Variants in CACNB2 observed in about 807,000 individuals in gnomAD.
CACNB2 encodes the protein calcium voltage-gated channel auxiliary subunit beta 2.
CACNB2 carries 42 observed loss-of-function variants against 73.3 expected under a neutral mutation model. The ratio of observed to expected loss-of-function variants is 0.57; its 90% CI spans 0.45 to 0.74. The LOEUF is 0.74. CACNB2 is among the 30% of genes least tolerant of loss of function. The probability of loss-of-function intolerance (pLI) is 0.00; values close to 1 mark genes in which losing one functional copy is unlikely to be tolerated. For missense variants in CACNB2, 940 were observed against 853.0 expected, an observed-to-expected ratio of 1.10 and a Z score of -1.27; for synonymous variants, 348 against 310.3, an observed-to-expected ratio of 1.12 and a Z score of -1.28.
intron 3 of CACNB2, among the ~76,000 whole-genome samples, chr10:18,497,873 G>A (rs867296604): frequency 1.2e-4 from 19 of 152,324 alleles, no homozygotes; most frequent in Middle Eastern, 6.8e-3. Context: ...AGTTGCTATA[G>A]TTGTAGCATA....
In CACNB2 at chr10:18,373,394, C is replaced by T. The variant is rs190194026; in HGVS notation, c.214-28530C>T. Among the ~76,000 whole-genome samples, 31 of 152,278 alleles carry T rather than the reference C, an allele frequency of 2.0e-4. No homozygotes were observed. The East Asian group carries it at 5.0e-3, about 25-fold the overall frequency. On this transcript the variant is annotated intron_variant, in intron 2 of 13. Coordinates refer to ENST00000324631, the MANE Select transcript of CACNB2 (RefSeq NM_201596.3). The stretch of plus-strand genomic sequence containing the variant: ...GCTTTCCTTAAGGGCCTTCAACCCA[C>T]CATGATGATAGCAGCTATTATTTAT...
chr10:18,464,418 T>TAAAATAAAAAAAAAAAAAAAAATA (rs1554824204), intron 3 of CACNB2, among the ~76,000 whole-genome samples: 5 of 85,296 alleles, frequency 5.9e-5, no homozygotes, highest in Non-Finnish European at 1.2e-4. Context: ...TCTCAAAAAT[T>TAAAATAAAAAAAAAAAAAAAAATA]AAAAAAAAAA....
chr10:18,363,124 G>T (rs1031549676), intron 2 of CACNB2, among the ~76,000 whole-genome samples: 19 of 152,100 alleles, frequency 1.2e-4, no homozygotes, highest in Admixed American at 1.2e-3. Flanking sequence ...CATCTCAGAA[G>T]CTCCTAACCA....
At chr10:18,340,356 G>A (rs1214415584) in intron 2 of CACNB2, among the ~76,000 whole-genome samples, 1 of 152,104 alleles carries the variant, frequency 6.6e-6, no homozygotes. Flanking sequence ...GAAAGGCAAC[G>A]AAAAAAGAAA....
chr10:18,261,213 A>T, intron 2 of CACNB2: 1 of 1,550,180 alleles, frequency 6.5e-7, no homozygotes, highest in East Asian at 2.4e-5. Context: ...TGACGAGAAG[A>T]CAAGGCACAG....
At chr10:18,483,555 A>G (rs1462630750) in intron 3 of CACNB2, among the ~76,000 whole-genome samples, 1 of 151,966 alleles carries the variant, frequency 6.6e-6, no homozygotes, top group South Asian at 2.1e-4. Context: ...AAGAAAAGAA[A>G]AAAGAAACCA....
At chr10:18,284,973 A>G (rs1434755399) in intron 2 of CACNB2, among the ~76,000 whole-genome samples, 2 of 152,208 alleles carry the variant, frequency 1.3e-5, no homozygotes, top group Non-Finnish European at 2.9e-5. Context: ...TCAATGGGAA[A>G]GGAATTCACC....
intron 2 of CACNB2, among the ~76,000 whole-genome samples, chr10:18,357,445 T>G (rs1750479): frequency 1.3e-5 from 2 of 151,948 alleles, no homozygotes; most frequent in African/African-American, 2.4e-5. Context: ...CACTAGAAAA[T>G]GTGAGGAAGC....
At chr10:18,298,667 G>T (rs1373198725) in intron 2 of CACNB2, among the ~76,000 whole-genome samples, 1 of 152,222 alleles carries the variant, frequency 6.6e-6, no homozygotes, top group Non-Finnish European at 1.5e-5. Context: ...GGCTGGCTGT[G>T]AGTTGCAGCC....
chr10:18,472,667 AG>A (rs2048254072), intron 3 of CACNB2, among the ~76,000 whole-genome samples: 1 of 152,154 alleles, frequency 6.6e-6, no homozygotes, highest in Admixed American at 6.5e-5. Flanking sequence ...GTTTAAATTT[AG>A]GTCTGTTTTA....
intron 2 of CACNB2, among the ~76,000 whole-genome samples, chr10:18,360,285 AG>A (rs1225834822): frequency 6.6e-6 from 1 of 152,146 alleles, no homozygotes; most frequent in Non-Finnish European, 1.5e-5. Context: ...AGTGCAGTAG[AG>A]CAATAATTAC....
At chr10:18,522,861 G>A (rs547784239) in intron 9 of CACNB2, among the ~76,000 whole-genome samples, 13 of 114,990 alleles carry the variant, frequency 1.1e-4, no homozygotes, top group African/African-American at 3.4e-4. Flanking sequence ...CTGGGAAACA[G>A]AGTGAGACTC....
intron 2 of CACNB2, among the ~76,000 whole-genome samples, chr10:18,325,422 T>C (rs1389052218): frequency 6.6e-6 from 1 of 152,072 alleles, no homozygotes; most frequent in Non-Finnish European, 1.5e-5. Flanking sequence ...CTTGAACTCC[T>C]GGTCTCAGGC....
At chr10:18,368,743 C>T (rs2042455015) in intron 2 of CACNB2, among the ~76,000 whole-genome samples, 1 of 151,958 alleles carries the variant, frequency 6.6e-6, no homozygotes, top group South Asian at 2.1e-4. Flanking sequence ...TTAAAATATA[C>T]ACCTGTTATA....
At chr10:18,406,067 T>C (rs1276789468) in intron 3 of CACNB2, among the ~76,000 whole-genome samples, 1 of 152,174 alleles carries the variant, frequency 6.6e-6, no homozygotes, top group Non-Finnish European at 1.5e-5. Flanking sequence ...ATATCTACTA[T>C]ATTAAAGAAA....
chr10:18,408,653 C>T (rs2044433074), intron 3 of CACNB2, among the ~76,000 whole-genome samples: 2 of 152,104 alleles, frequency 1.3e-5, no homozygotes, highest in South Asian at 4.2e-4. Context: ...GATGCTCAGG[C>T]AGTGCTGAAA....
intron 5 of CACNB2, among the ~76,000 whole-genome samples, chr10:18,506,149 AAAAT>A (rs2050478555): frequency 6.6e-6 from 1 of 152,230 alleles, no homozygotes; most frequent in African/African-American, 2.4e-5. Context: ...GAGGGTCTCT[AAAAT>A]AAAAAGCAAA....
At chr10:18,410,835 C>T (rs1192256425) in intron 3 of CACNB2, among the ~76,000 whole-genome samples, 2 of 152,114 alleles carry the variant, frequency 1.3e-5, no homozygotes. Context: ...CAAAAATTAG[C>T]TAGGCATGGT....
At chr10:18,239,517 G>A (rs2036570185) in intron 2 of CACNB2, among the ~76,000 whole-genome samples, 1 of 152,126 alleles carries the variant, frequency 6.6e-6, no homozygotes, top group South Asian at 2.1e-4. Context: ...GTGCGTATAT[G>A]TGTGCATGTG....
Sources: gnomAD v4.1 joint callset for allele counts (sites outside exome capture counted in the v4.1 genomes callset) on GRCh38, gnomAD v4.1.1 for gene constraint, MANE v1.5 for transcripts, NCBI Gene and HGNC (gene_info 2026-07-23, HGNC 2026-07-21) for gene names.